The following SSH2 variants were observed in gnomAD, a reference collection of about 807,000 sequenced individuals.
SSH2 encodes slingshot protein phosphatase 2, also known as protein phosphatase Slingshot homolog 2.
SSH2 carries 37 observed loss-of-function variants against 135.2 expected under a neutral mutation model. The observed-to-expected ratio is 0.27, with a 90% CI of 0.21 to 0.36. The LOEUF (loss-of-function observed/expected upper bound fraction) is 0.36. SSH2 is among the 10% of genes least tolerant of loss of function. The pLI, the probability that SSH2 is intolerant of heterozygous loss-of-function variation, is 1.00. For synonymous variants in SSH2, 628 were observed against 646.2 expected, an observed-to-expected ratio of 0.97 and a Z score of 0.43; for missense variants, 1,408 against 1,765.3, an observed-to-expected ratio of 0.80 and a Z score of 3.63.
At chr17:29,749,707 A>C (rs1199806827) in intron 3 of SSH2, among the ~76,000 whole-genome samples, 2 of 152,108 alleles carry the variant, frequency 1.3e-5, no homozygotes, top group South Asian at 4.2e-4. Flanking sequence ...GGCTACACTA[A>C]ATTTATTTTA....
At chr17:29,772,056 G>A (rs1441893501) in intron 3 of SSH2, among the ~76,000 whole-genome samples, 3 of 151,866 alleles carry the variant, frequency 2.0e-5, no homozygotes, top group African/African-American at 7.3e-5. Flanking sequence ...TAGAAAGGGG[G>A]CAGTATTTAT....
At chr17:29,823,943 G>GT (rs2042700059) in intron 2 of SSH2, among the ~76,000 whole-genome samples, 1 of 146,894 alleles carries the variant, frequency 6.8e-6, no homozygotes, top group Non-Finnish European at 1.5e-5. Flanking sequence ...CATCTATTTT[G>GT]TTTAATCCCA....
At chr17:29,780,178 T>G (rs961449671) in intron 3 of SSH2, among the ~76,000 whole-genome samples, 1 of 151,948 alleles carries the variant, frequency 6.6e-6, no homozygotes, top group African/African-American at 2.4e-5. Context: ...GATTGTGCCA[T>G]TGCATTCCAG....
At chr17:29,709,015 T>TATATATATATATATAGAGAGAGAGAGAG (rs780981175) in intron 3 of SSH2, among the ~76,000 whole-genome samples, 2 of 81,592 alleles carry the variant, frequency 2.5e-5, no homozygotes, top group African/African-American at 8.2e-5. Flanking sequence ...TATATATATA[T>TATATATATATATATAGAGAGAGAGAGAG]AGAGAGAGAG....
At chr17:29,883,410 C>T (rs938794929) in intron 1 of SSH2, among the ~76,000 whole-genome samples, 2 of 152,116 alleles carry the variant, frequency 1.3e-5, no homozygotes, top group Non-Finnish European at 2.9e-5. Context: ...ATTATCCTAT[C>T]GTGTTTCAGA....
intron 3 of SSH2, among the ~76,000 whole-genome samples, chr17:29,744,756 T>C (rs1307552411): frequency 5.3e-5 from 8 of 152,154 alleles, no homozygotes; most frequent in Non-Finnish European, 1.0e-4. Flanking sequence ...GCCCTCTGTG[T>C]CATGGGAATA....
At chr17:29,724,542 A>C (rs1374131758) in intron 3 of SSH2, among the ~76,000 whole-genome samples, 3 of 149,464 alleles carry the variant, frequency 2.0e-5, no homozygotes, top group Admixed American at 6.6e-5. Flanking sequence ...AAAAAAAAAA[A>C]AAAACAAAAC....
Position 29,873,244 on chromosome 17 carries a change from TA to T in SSH2, c.64-24316del, listed in dbSNP as rs2065968595. 2.0e-5 allele frequency among the ~76,000 whole-genome samples: 3 copies of T among 152,146 alleles called. No homozygotes were observed. The South Asian group carries it at 6.2e-4, about 32-fold the overall frequency. On this transcript the variant is annotated intron_variant, in intron 1 of 15. Coordinates refer to ENST00000540801, the MANE Select transcript of SSH2 (RefSeq NM_001282129.2). ...TATGACTTTTAAAACAAAAAATCTTTAAGATGTACATCTAGCTCAAAAATCT... is the reference window on the plus strand; with the variant it reads ...TATGACTTTTAAAACAAAAAATCTTTAGATGTACATCTAGCTCAAAAATCT...
intron 11 of SSH2, among the ~76,000 whole-genome samples, chr17:29,665,424 G>C (rs1260999839): frequency 6.6e-6 from 1 of 152,058 alleles, no homozygotes. Flanking sequence ...GTTATTTCAG[G>C]GCACAAGCCT....
intron 2 of SSH2, among the ~76,000 whole-genome samples, chr17:29,821,797 T>C (rs938246058): frequency 5.9e-5 from 9 of 152,046 alleles, no homozygotes; most frequent in Non-Finnish European, 8.8e-5. Flanking sequence ...GCACACGCCA[T>C]CACGCCCAGC....
At chr17:29,834,017 G>GT (rs1306217933) in intron 2 of SSH2, among the ~76,000 whole-genome samples, 1 of 135,272 alleles carries the variant, frequency 7.4e-6, no homozygotes, top group Non-Finnish European at 1.6e-5. Flanking sequence ...CTTGCTTTAT[G>GT]TTTTTTGTGT....
At chr17:29,740,881 T>C (rs2151205559) in intron 3 of SSH2, among the ~76,000 whole-genome samples, 1 of 152,358 alleles carries the variant, frequency 6.6e-6, no homozygotes, top group African/African-American at 2.4e-5. Context: ...GCTTATCTTT[T>C]GGCTTTAAAA....
chr17:29,702,005 T>A (rs2039004620), intron 4 of SSH2, among the ~76,000 whole-genome samples: 1 of 149,964 alleles, frequency 6.7e-6, no homozygotes, highest in Non-Finnish European at 1.5e-5. Flanking sequence ...TGGGATTACA[T>A]CTGTGAGCCA....
chr17:29,703,678 A>G (rs1431502266), intron 3 of SSH2, among the ~76,000 whole-genome samples: 3 of 152,096 alleles, frequency 2.0e-5, no homozygotes, highest in Middle Eastern at 6.8e-3. Flanking sequence ...TCCCAGGTTC[A>G]AGTAATTCTC....
At chr17:29,822,115 C>T (rs1275357788) in intron 2 of SSH2, among the ~76,000 whole-genome samples, 4 of 152,158 alleles carry the variant, frequency 2.6e-5, no homozygotes, top group Non-Finnish European at 5.9e-5. Context: ...TCATTCAATG[C>T]ATTTGTCCTG....
At chr17:29,768,943 G>A (rs1379559574) in intron 3 of SSH2, among the ~76,000 whole-genome samples, 1 of 152,090 alleles carries the variant, frequency 6.6e-6, no homozygotes, top group Non-Finnish European at 1.5e-5. Context: ...GGCCAGGTGT[G>A]GTGGCTCACA....
chr17:29,850,756 C>A (rs1198570517), intron 1 of SSH2, among the ~76,000 whole-genome samples: 1 of 152,086 alleles, frequency 6.6e-6, no homozygotes, highest in Non-Finnish European at 1.5e-5. Context: ...GAGGCCGAGG[C>A]GGGTGGATCA....
chr17:29,748,526 A>G (rs1198281671), intron 3 of SSH2, among the ~76,000 whole-genome samples: 1 of 151,950 alleles, frequency 6.6e-6, no homozygotes, highest in East Asian at 1.9e-4. Flanking sequence ...CAAAAAGAGA[A>G]AAAAAAAGCC....
rs2065525551 is a variant in SSH2, at chr17:29,850,020, A to C, written c.64-1091T>G. ...ACTCCAGCCTGGGTGACAGTGCAAG[A>C]CTCCATCTCAAAAAAAAAAAAAAAA... On this transcript the variant is annotated intron_variant, in intron 1 of 15. Coordinates refer to ENST00000540801, the MANE Select transcript of SSH2 (RefSeq NM_001282129.2). Among the ~76,000 whole-genome samples, 4 of 128,144 alleles carry C rather than the reference A, an allele frequency of 3.1e-5. No individual in the cohort carries two copies. The South Asian group carries it at 1.0e-3, about 32-fold the overall frequency. 84.1% of individuals were successfully genotyped at this position (128,144 alleles called of 152,430 possible).
Sources: gnomAD v4.1 joint callset for allele counts (sites outside exome capture counted in the v4.1 genomes callset) on GRCh38, gnomAD v4.1.1 for gene constraint, MANE v1.5 for transcripts, NCBI Gene and HGNC (gene_info 2026-07-23, HGNC 2026-07-21) for gene names.